LHFPL3: variants seen among roughly 807,000 people sequenced by gnomAD.
LHFPL3 encodes LHFPL tetraspan subfamily member 3.
Under a neutral mutation model 19.3 loss-of-function variants are expected in LHFPL3, and 5 were observed. The observed-to-expected ratio is 0.26, with a 90% CI of 0.14 to 0.54. The LOEUF (loss-of-function observed/expected upper bound fraction) is 0.54. Ranked by LOEUF, LHFPL3 falls within the 20% of genes least tolerant of loss-of-function variation. The pLI is 0.94. For synonymous variants in LHFPL3, 133 were observed against 126.2 expected, an observed-to-expected ratio of 1.05 and a Z score of -0.36; for missense variants, 249 against 307.4, an observed-to-expected ratio of 0.81 and a Z score of 1.42.
At chr7:104,748,895 G>A (rs1438733805) in intron 2 of LHFPL3, among the ~76,000 whole-genome samples, 6 of 152,174 alleles carry the variant, frequency 3.9e-5, no homozygotes, top group Admixed American at 2.0e-4. Flanking sequence ...TACATCTGGC[G>A]CCCAACGTGG....
chr7:104,667,831 G>C, intron 1 of LHFPL3: 1 of 1,610,802 alleles, frequency 6.2e-7, no homozygotes, highest in Non-Finnish European at 8.5e-7. Context: ...GGGGGTACTG[G>C]TGGAGGAAGC....
chr7:104,418,315 C>T lies in LHFPL3; in HGVS notation c.445+89091C>T, dbSNP rs76286442. On this transcript the variant is annotated intron_variant, in intron 1 of 2. Transcript: ENST00000424859. ...ATTCAACAATAGGCAAGAGGATTGCCTGAGGCCAGAGATTTGAGACCAGTC... is the reference window on the plus strand; with the variant it reads ...ATTCAACAATAGGCAAGAGGATTGCTTGAGGCCAGAGATTTGAGACCAGTC... Among the ~76,000 whole-genome samples, 1,317 of 152,234 alleles carry T rather than the reference C, an allele frequency of 8.7e-3. 77 individuals carry two copies. In the East Asian group the frequency reaches 0.16, roughly 19 times the overall value.
chr7:104,483,683 G>A (rs1272074006), intron 1 of LHFPL3, among the ~76,000 whole-genome samples: 7 of 152,102 alleles, frequency 4.6e-5, no homozygotes, highest in Admixed American at 1.3e-4. Context: ...GTACAGTGGC[G>A]ATCATCACTG....
chr7:104,901,853 G>A (rs1393230583), intron 2 of LHFPL3, among the ~76,000 whole-genome samples: 1 of 152,096 alleles, frequency 6.6e-6, no homozygotes, highest in Non-Finnish European at 1.5e-5. Flanking sequence ...ACAAGCATGA[G>A]CCACCACGAC....
intron 1 of LHFPL3, among the ~76,000 whole-genome samples, chr7:104,390,162 A>G (rs1791036627): frequency 6.7e-6 from 1 of 150,270 alleles, no homozygotes; most frequent in Non-Finnish European, 1.5e-5. Flanking sequence ...CAGCAATAAA[A>G]AGACTAACAA....
chr7:104,627,480 C>A (rs1013622240), intron 1 of LHFPL3, among the ~76,000 whole-genome samples: 1 of 152,134 alleles, frequency 6.6e-6, no homozygotes, highest in Non-Finnish European at 1.5e-5. Flanking sequence ...TTCTAACAGG[C>A]TTTGACAGTT....
At chr7:104,581,595 T>G (rs1309979507) in intron 1 of LHFPL3, among the ~76,000 whole-genome samples, 1 of 152,050 alleles carries the variant, frequency 6.6e-6, no homozygotes, top group Non-Finnish European at 1.5e-5. Context: ...ATTGTGAATA[T>G]GTTTTCCTAT....
intron 2 of LHFPL3, 48 bp downstream of exon 2, chr7:104,736,959 A>C (rs1438513075): frequency 1.4e-6 from 2 of 1,421,388 alleles, no homozygotes; most frequent in Non-Finnish European, 1.9e-6. Context: ...AAGCACAAAA[A>C]AATGGTGCTC....
At chr7:104,441,547 CA>C (rs1792223507) in intron 1 of LHFPL3, among the ~76,000 whole-genome samples, 1 of 144,830 alleles carries the variant, frequency 6.9e-6, no homozygotes. Context: ...ATGGTAGAGA[CA>C]ATATCTCACT....
intron 1 of LHFPL3, among the ~76,000 whole-genome samples, chr7:104,710,430 T>C (rs1793279082): frequency 6.6e-6 from 1 of 152,236 alleles, no homozygotes; most frequent in African/African-American, 2.4e-5. Context: ...TGTATATCAG[T>C]CTCACCAATT....
chr7:104,374,208 A>ATATGTGTGTGTG, intron 1 of LHFPL3, among the ~76,000 whole-genome samples: 1 of 147,154 alleles, frequency 6.8e-6, no homozygotes, highest in East Asian at 2.0e-4. Context: ...CTATCTATAT[A>ATATGTGTGTGTG]TGTGTGTGTG....
intron 2 of LHFPL3, among the ~76,000 whole-genome samples, chr7:104,886,846 T>C (rs1198599771): frequency 1.3e-5 from 2 of 152,228 alleles, no homozygotes; most frequent in Non-Finnish European, 2.9e-5. Context: ...GAGTCTCCCA[T>C]GGGCTAAGCT....
Position 104,704,855 on chromosome 7 carries a change from C to T in LHFPL3, c.446-31820C>T, listed in dbSNP as rs183885968. Among the ~76,000 whole-genome samples the T allele has an allele frequency of 1.4e-3, 212 of 152,198 alleles. 1 individual carries two copies. The highest frequency in any genetic ancestry group is 4.7e-3 in the African/African-American group (197 of 41,518). Reference sequence around the variant, plus strand: ...CTCACTTTGTTGCCCAGGCTGATCTCGAATTCCTAGGCTCAAGCATTTCTC... The same window carrying T: ...CTCACTTTGTTGCCCAGGCTGATCTTGAATTCCTAGGCTCAAGCATTTCTC... On this transcript the variant is annotated intron_variant, in intron 1 of 2. Coordinates refer to ENST00000424859, the MANE Select transcript of LHFPL3 (RefSeq NM_199000.3).
intron 1 of LHFPL3, among the ~76,000 whole-genome samples, chr7:104,725,691 G>A (rs1300446908): frequency 6.6e-6 from 1 of 152,096 alleles, no homozygotes; most frequent in East Asian, 1.9e-4. Context: ...ACTGACTAGT[G>A]ACTGCTGGGA....
At chr7:104,898,006 C>CTTTTTTTTTTTTTTTT (rs71155536) in intron 2 of LHFPL3, among the ~76,000 whole-genome samples, 3 of 96,806 alleles carry the variant, frequency 3.1e-5, no homozygotes, top group South Asian at 3.7e-4. Flanking sequence ...AATGTCACCC[C>CTTTTTTTTTTTTTTTT]TTTTTTTTTT....
intron 1 of LHFPL3, among the ~76,000 whole-genome samples, chr7:104,518,812 T>C (rs895961868): frequency 6.8e-6 from 1 of 147,254 alleles, no homozygotes; most frequent in Admixed American, 6.7e-5. Context: ...GATAGATAGA[T>C]AGATAGATAG....
At chr7:104,446,582 T>C (rs1039685537) in intron 1 of LHFPL3, among the ~76,000 whole-genome samples, 4 of 152,150 alleles carry the variant, frequency 2.6e-5, no homozygotes, top group African/African-American at 9.7e-5. Context: ...TATTTTTTAT[T>C]TGTTTGTGTA....
At chr7:104,828,268 T>G (rs1790864548) in intron 2 of LHFPL3, among the ~76,000 whole-genome samples, 1 of 151,900 alleles carries the variant, frequency 6.6e-6, no homozygotes, top group African/African-American at 2.4e-5. Context: ...TTGCTGCCCT[T>G]AGAACATAGA....
intron 2 of LHFPL3, among the ~76,000 whole-genome samples, chr7:104,820,448 G>A (rs144094275): frequency 9.2e-5 from 14 of 152,262 alleles, no homozygotes; most frequent in African/African-American, 3.1e-4. Context: ...TCAAACCAGA[G>A]GCAGAGATTA....
Sources: gnomAD v4.1 joint callset for allele counts (sites outside exome capture counted in the v4.1 genomes callset) on GRCh38, gnomAD v4.1.1 for gene constraint, MANE v1.5 for transcripts, NCBI Gene and HGNC (gene_info 2026-07-23, HGNC 2026-07-21) for gene names.